TANGO6: variants seen among roughly 807,000 people sequenced by gnomAD.
TANGO6 encodes transport and golgi organization 6 homolog, also known as transport and Golgi organization protein 6 homolog.
Under a neutral mutation model 114.2 loss-of-function variants are expected in TANGO6, and 90 were observed. That is an observed-to-expected ratio of 0.79 (90% CI 0.66 to 0.94). The LOEUF is 0.94. Ranked by LOEUF, TANGO6 falls within the 40% of genes least tolerant of loss-of-function variation. The pLI is 0.00. For missense variants in TANGO6, 1,274 were observed against 1,315.3 expected (o/e 0.97, Z 0.49); for synonymous variants, 477 against 509.8 (o/e 0.94, Z 0.87).
At chr16:68,960,759 A>G (rs1963581085) in intron 14 of TANGO6, among the ~76,000 whole-genome samples, 1 of 152,050 alleles carries the variant, frequency 6.6e-6, no homozygotes, top group African/African-American at 2.4e-5. Context: ...TCAACCTCCC[A>G]TAGTGCTGGG....
At chr16:69,038,677 A>G (rs1158388701) in intron 16 of TANGO6, among the ~76,000 whole-genome samples, 1 of 152,170 alleles carries the variant, frequency 6.6e-6, no homozygotes, top group Non-Finnish European at 1.5e-5. Context: ...ATTTTATGAC[A>G]TAATTAACTA....
In TANGO6 at chr16:69,040,437, G is replaced by A. The variant is rs764289687; in HGVS notation, c.3108+16G>A. On this transcript the variant is annotated intron_variant, in intron 17 of 17. Coordinates refer to ENST00000261778, the MANE Select transcript of TANGO6 (RefSeq NM_024562.2). ...AGCTACTGAGGTCAGTCCGTCTCTC[G>A]CCCTTTGCAATTTCTCCACCTCTTT... The A allele has an allele frequency of 1.5e-5, 24 of 1,571,070 alleles. No individual in the cohort carries two copies. The highest frequency in any genetic ancestry group is 1.5e-4 in the South Asian group (13 of 85,890).
intron 7 of TANGO6, among the ~76,000 whole-genome samples, chr16:68,882,406 A>G (rs1962475741): frequency 6.6e-6 from 1 of 152,044 alleles, no homozygotes; most frequent in African/African-American, 2.4e-5. Context: ...CTGAAACAGG[A>G]GAATGGCGTG....
At chr16:68,914,557 G>A (rs1962972370) in intron 11 of TANGO6, among the ~76,000 whole-genome samples, 1 of 152,142 alleles carries the variant, frequency 6.6e-6, no homozygotes, top group South Asian at 2.1e-4. Flanking sequence ...AATGATGTCG[G>A]GCACTGCTAT....
intron 14 of TANGO6, among the ~76,000 whole-genome samples, chr16:68,934,980 C>T (rs999707553): frequency 6.6e-6 from 1 of 152,104 alleles, no homozygotes; most frequent in African/African-American, 2.4e-5. Context: ...GGGGTAGAGG[C>T]GTAATTTCTG....
intron 14 of TANGO6, among the ~76,000 whole-genome samples, chr16:68,930,996 A>G (rs1354926790): frequency 6.6e-6 from 1 of 152,208 alleles, no homozygotes; most frequent in Non-Finnish European, 1.5e-5. Context: ...TCAGGGTATT[A>G]AATATTTTCT....
chr16:68,989,468 C>T (rs539862395), intron 15 of TANGO6, among the ~76,000 whole-genome samples: 1 of 151,948 alleles, frequency 6.6e-6, no homozygotes, highest in East Asian at 1.9e-4. Context: ...TGTAGTTGGT[C>T]CCTTTCTCTT....
At chr16:68,961,457 A>C (rs997524329) in intron 14 of TANGO6, among the ~76,000 whole-genome samples, 1 of 152,206 alleles carries the variant, frequency 6.6e-6, no homozygotes, top group African/African-American at 2.4e-5. Flanking sequence ...ATCCACTTCA[A>C]ATGATTGTTG....
intron 1 of TANGO6, among the ~76,000 whole-genome samples, chr16:68,845,264 G>A (rs754582199): frequency 2.0e-5 from 3 of 152,036 alleles, no homozygotes; most frequent in Non-Finnish European, 4.4e-5. Flanking sequence ...CACTACACCT[G>A]GCCTGCAACT....
chr16:68,844,965 CTCT>C (rs1961780445), intron 1 of TANGO6, among the ~76,000 whole-genome samples: 1 of 133,046 alleles, frequency 7.5e-6, no homozygotes, highest in South Asian at 2.2e-4. Flanking sequence ...CTAACGGCAA[CTCT>C]TTTTTTTTTT....
At chr16:69,035,421 A>AAATT (rs767593245) in intron 16 of TANGO6, 1 of 152,258 alleles carries the variant, frequency 6.6e-6, no homozygotes, top group Non-Finnish European at 1.5e-5. Context: ...TGCAGTTGGA[A>AAATT]AATTAAAGTC....
intron 15 of TANGO6, among the ~76,000 whole-genome samples, chr16:69,015,080 C>T (rs180905092): frequency 1.6e-3 from 244 of 152,148 alleles, no homozygotes; most frequent in Middle Eastern, 3.4e-3. Context: ...GTCCTGAGAC[C>T]TCTATCACAA....
chr16:68,994,249 TTA>T (rs1963971825), intron 15 of TANGO6, among the ~76,000 whole-genome samples: 1 of 152,300 alleles, frequency 6.6e-6, no homozygotes, highest in African/African-American at 2.4e-5. Context: ...AGATATTTAT[TTA>T]TGGATTTTAT....
At chr16:68,872,101 G>T (rs1962279820) in intron 4 of TANGO6, among the ~76,000 whole-genome samples, 1 of 151,590 alleles carries the variant, frequency 6.6e-6, no homozygotes, top group African/African-American at 2.4e-5. Context: ...CGTGCCTGTA[G>T]TCCCAGCTAC....
chr16:68,926,754 A>T (rs1963172694), intron 12 of TANGO6: 2 of 151,872 alleles, frequency 1.3e-5, no homozygotes, highest in African/African-American at 2.4e-5. Context: ...AGGACTTAAG[A>T]TCCTTAAGGT....
chr16:69,021,409 T>C (rs1959402763), intron 15 of TANGO6, among the ~76,000 whole-genome samples: 2 of 152,208 alleles, frequency 1.3e-5, no homozygotes, highest in Admixed American at 1.3e-4. Flanking sequence ...TTTACCACCT[T>C]TTTAAAACCT....
chr16:68,980,165 A>C (rs910447355), intron 15 of TANGO6, among the ~76,000 whole-genome samples: 1 of 151,630 alleles, frequency 6.6e-6, no homozygotes. Context: ...TGATTTTTAA[A>C]AGTTTTATGT....
intron 2 of TANGO6, 34 bp downstream of exon 2, chr16:68,860,558 TTGTG>T (rs1238176503): frequency 6.3e-7 from 1 of 1,595,212 alleles, no homozygotes; most frequent in Admixed American, 1.7e-5. Context: ...GAGGGAGAGA[TTGTG>T]TGTGTATGAA....
At chr16:68,966,953 G>A (rs1382931577) in intron 14 of TANGO6, among the ~76,000 whole-genome samples, 3 of 152,008 alleles carry the variant, frequency 2.0e-5, no homozygotes, top group Non-Finnish European at 4.4e-5. Flanking sequence ...TGTATTTTTA[G>A]TAGAGACGGG....
Sources: gnomAD v4.1 joint callset for allele counts (sites outside exome capture counted in the v4.1 genomes callset) on GRCh38, gnomAD v4.1.1 for gene constraint, MANE v1.5 for transcripts, NCBI Gene and HGNC (gene_info 2026-07-23, HGNC 2026-07-21) for gene names.